OCA2: variants seen among roughly 807,000 people sequenced by gnomAD.
The protein encoded by OCA2 is OCA2 melanosomal transmembrane protein.
In OCA2, 77 loss-of-function variants were observed where a neutral mutation model predicts 100.2. The ratio of observed to expected loss-of-function variants is 0.77; its 90% CI spans 0.64 to 0.93. The LOEUF is 0.93. OCA2 is among the 40% of genes least tolerant of loss of function. OCA2 has a pLI of 0.00. For missense variants in OCA2, 1,062 were observed against 1,089.1 expected, an observed-to-expected ratio of 0.98 and a Z score of 0.35; for synonymous variants, 432 against 439.2, an observed-to-expected ratio of 0.98 and a Z score of 0.21.
Position 27,771,508 on chromosome 15 carries a change from C to T in OCA2, c.2433-16036G>A, listed in dbSNP as rs571250445. ...TGGGGGGTGCTCCGTGGCCGCGGGCCGAGTCCAGCTGAGGTGGCTGCAGGG... is the reference window on the plus strand; with the variant it reads ...TGGGGGGTGCTCCGTGGCCGCGGGCTGAGTCCAGCTGAGGTGGCTGCAGGG... On this transcript the variant is annotated intron_variant, in intron 23 of 23. Coordinates refer to ENST00000354638, the MANE Select transcript of OCA2 (RefSeq NM_000275.3). Among the ~76,000 whole-genome samples, 180 of 152,166 alleles carry T rather than the reference C, an allele frequency of 1.2e-3. 1 individual carries two copies. The highest frequency in any genetic ancestry group is 6.8e-3 in the Middle Eastern group (2 of 292).
chr15:27,886,598 A>C (rs1446365973), intron 19 of OCA2, among the ~76,000 whole-genome samples: 1 of 152,248 alleles, frequency 6.6e-6, no homozygotes, highest in East Asian at 1.9e-4. Context: ...AGCACATGGG[A>C]AGAGGAAGTA....
At chr15:28,049,308 T>C (rs948344091) in intron 2 of OCA2, among the ~76,000 whole-genome samples, 2 of 152,008 alleles carry the variant, frequency 1.3e-5, no homozygotes, top group Non-Finnish European at 2.9e-5. Flanking sequence ...ATGGCTAGAA[T>C]AAAAAAAGGA....
At chr15:27,916,012 T>C (rs2038650209) in intron 19 of OCA2, among the ~76,000 whole-genome samples, 1 of 152,110 alleles carries the variant, frequency 6.6e-6, no homozygotes, top group Non-Finnish European at 1.5e-5. Context: ...TATGCAGCCA[T>C]AAAAAAGAAT....
intron 2 of OCA2, among the ~76,000 whole-genome samples, chr15:28,072,921 C>T (rs1008561751): frequency 6.6e-6 from 1 of 152,178 alleles, no homozygotes; most frequent in African/African-American, 2.4e-5. Context: ...AACAGAGCTA[C>T]CATTAAACCA....
chr15:27,806,921 G>T (rs777713065), intron 23 of OCA2, among the ~76,000 whole-genome samples: 7 of 152,140 alleles, frequency 4.6e-5, no homozygotes, highest in Non-Finnish European at 8.8e-5. Flanking sequence ...CCGGGCTCCT[G>T]CCCACATTCT....
the OCA2 span, among the ~76,000 whole-genome samples, chr15:27,727,883 A>G: frequency 2.0e-5 from 3 of 152,178 alleles, no homozygotes; most frequent in African/African-American, 7.2e-5. Flanking sequence ...TCCTTACTTT[A>G]AACACATCTG....
At chr15:28,047,423 T>C (rs2043379327) in intron 2 of OCA2, among the ~76,000 whole-genome samples, 1 of 152,244 alleles carries the variant, frequency 6.6e-6, no homozygotes, top group South Asian at 2.1e-4. Flanking sequence ...CCTTTGAACA[T>C]TGTCAACTTC....
chr15:27,824,602 C>CTCTCTCTCTCTCTCTCTATA lies in OCA2; in HGVS notation c.2432+20356_2432+20357insTATAGAGAGAGAGAGAGAGA. ...TTTCTCTCTCTCTCTCTCTCTCTCT[C>CTCTCTCTCTCTCTCTCTATA]TATATATATATATATATATAATATA... is the stretch of plus-strand genomic sequence containing the variant. On this transcript the variant is annotated intron_variant, in intron 23 of 23. Coordinates refer to ENST00000354638, the MANE Select transcript of OCA2 (RefSeq NM_000275.3). 6.9e-4 allele frequency among the ~76,000 whole-genome samples: 33 copies of CTCTCTCTCTCTCTCTCTATA among 47,594 alleles called. 3 individuals are homozygous for CTCTCTCTCTCTCTCTCTATA. Among genetic ancestry groups the CTCTCTCTCTCTCTCTCTATA allele is most frequent in the East Asian group, 0.019 (1 of 54 alleles). The allele number at this position is 47,594 out of a possible 152,430, so 31.2% of individuals were successfully genotyped here.
At position 28,043,403 on chromosome 15, in the gene OCA2, G is replaced by A. The variant is rs6497253; in HGVS notation, c.228-11240C>T. 0.44 allele frequency among the ~76,000 whole-genome samples: 67,437 copies of A among 152,112 alleles called. 21,309 individuals carry two copies. Among genetic ancestry groups the A allele is most frequent in the East Asian group, 0.89 (4,610 of 5,162 alleles). On this transcript the variant is annotated intron_variant, in intron 2 of 23. Coordinates refer to ENST00000354638, the MANE Select transcript of OCA2 (RefSeq NM_000275.3). The surrounding 1 kb of genome is among the most constrained non-coding windows in gnomAD (Gnocchi z 4.4). ...CTGTTTCTATCCAGCTTGCTGTGAA[G>A]CTGGTGATCGCTCAATAAATCTCCA...
chr15:28,070,280 G>A (rs1347176769), intron 2 of OCA2, among the ~76,000 whole-genome samples: 36 of 137,090 alleles, frequency 2.6e-4, no homozygotes, highest in South Asian at 4.9e-4. Context: ...GAGCGTCTCC[G>A]CCCGGCAGCC....
At chr15:27,736,573 C>T in the OCA2 span, among the ~76,000 whole-genome samples, 2 of 152,164 alleles carry the variant, frequency 1.3e-5, no homozygotes, top group Non-Finnish European at 1.5e-5. Flanking sequence ...GGACTTATTA[C>T]ATAACAACCC....
intron 23 of OCA2, among the ~76,000 whole-genome samples, chr15:27,775,174 G>A (rs149546263): frequency 1.3e-3 from 199 of 152,092 alleles, no homozygotes; most frequent in African/African-American, 4.7e-3. Context: ...CAGGAAGCTG[G>A]CCCACACAGT....
At chr15:27,869,335 C>T (rs1304189685) in intron 21 of OCA2, among the ~76,000 whole-genome samples, 4 of 152,178 alleles carry the variant, frequency 2.6e-5, no homozygotes, top group African/African-American at 9.7e-5. Flanking sequence ...CCTGAGACTC[C>T]AGGGGAAGAA....
At chr15:27,859,369 G>A (rs915085602) in intron 21 of OCA2, among the ~76,000 whole-genome samples, 1 of 151,964 alleles carries the variant, frequency 6.6e-6, no homozygotes, top group African/African-American at 2.4e-5. Flanking sequence ...AAATAAAAAG[G>A]ATTATAAAAG....
intron 19 of OCA2, among the ~76,000 whole-genome samples, chr15:27,913,408 T>C (rs2038474861): frequency 6.6e-6 from 1 of 152,100 alleles, no homozygotes; most frequent in African/African-American, 2.4e-5. Flanking sequence ...AGATTAGATA[T>C]ATCAAATACA....
intron 2 of OCA2, among the ~76,000 whole-genome samples, chr15:28,079,626 G>A (rs2044550988): frequency 6.6e-6 from 1 of 152,198 alleles, no homozygotes; most frequent in African/African-American, 2.4e-5. Flanking sequence ...GTTCCCTGTT[G>A]CTCCTCCTCC....
chr15:27,903,129 T>TC (rs2038024628), intron 19 of OCA2, among the ~76,000 whole-genome samples: 1 of 152,170 alleles, frequency 6.6e-6, no homozygotes, highest in Non-Finnish European at 1.5e-5. Context: ...GCGCCCCCTC[T>TC]CCCCTGGGCT....
At chr15:27,809,530 C>T (rs995925104) in intron 23 of OCA2, among the ~76,000 whole-genome samples, 1 of 152,110 alleles carries the variant, frequency 6.6e-6, no homozygotes, top group Non-Finnish European at 1.5e-5. Context: ...AGCAATCAGG[C>T]AAGAGAAAGA....
At chr15:28,033,369 ATGC>A (rs2042962694) in intron 2 of OCA2, among the ~76,000 whole-genome samples, 5 of 152,240 alleles carry the variant, frequency 3.3e-5, no homozygotes, top group Admixed American at 3.3e-4. Flanking sequence ...CTGATCACGA[ATGC>A]ACAACAAAGG....
Sources: allele counts gnomAD v4.1 joint callset (sites outside exome capture counted in the v4.1 genomes callset), GRCh38; gene constraint gnomAD v4.1.1; non-coding constraint Gnocchi (gnomAD v3.1); transcripts MANE v1.5; gene names NCBI Gene and HGNC (gene_info 2026-07-23, HGNC 2026-07-21).